The following TRPC4AP variants were observed in gnomAD, a reference collection of about 807,000 sequenced individuals.
TRPC4AP encodes transient receptor potential cation channel subfamily C member 4 associated protein, also known as short transient receptor potential channel 4-associated protein.
A neutral mutation model predicts 99.0 loss-of-function variants in TRPC4AP; 45 were observed. The ratio of observed to expected loss-of-function variants is 0.45; its 90% CI spans 0.36 to 0.58. The LOEUF is 0.58. TRPC4AP is among the 20% of genes least tolerant of loss of function. The pLI is 0.00. For missense variants in TRPC4AP, 879 were observed against 985.3 expected (o/e 0.89, Z 1.44); for synonymous variants, 408 against 385.8 (o/e 1.06, Z -0.67).
intron 8 of TRPC4AP, among the ~76,000 whole-genome samples, chr20:35,033,063 G>A (rs962462382): frequency 6.6e-6 from 1 of 151,990 alleles, no homozygotes; most frequent in Non-Finnish European, 1.5e-5. Context: ...CGGGTGTGGT[G>A]GCATGCACCT....
At chr20:35,083,073 GCAGA>G (rs1394321525) in intron 1 of TRPC4AP, among the ~76,000 whole-genome samples, 1 of 152,106 alleles carries the variant, frequency 6.6e-6, no homozygotes, top group Non-Finnish European at 1.5e-5. Flanking sequence ...AGATTCATTT[GCAGA>G]TGATATAATA....
At chr20:35,040,508 C>T (rs2083423183) in intron 7 of TRPC4AP, among the ~76,000 whole-genome samples, 1 of 152,234 alleles carries the variant, frequency 6.6e-6, no homozygotes, top group Admixed American at 6.5e-5. Context: ...CGGGGAGCTA[C>T]ACCATTAGCT....
At chr20:35,031,914 CAA>C (rs936914044) in intron 8 of TRPC4AP, among the ~76,000 whole-genome samples, 2 of 152,028 alleles carry the variant, frequency 1.3e-5, no homozygotes, top group Non-Finnish European at 2.9e-5. Flanking sequence ...TTTTTTGAGA[CAA>C]AGTCTCACTT....
At position 35,006,500 on chromosome 20, in the gene TRPC4AP, C is replaced by A; in HGVS notation, c.1762G>T (p.Glu588Ter). ...GCATCAACGTTGAACTTCATCAGCTCCCCCAGGAGGTCAAAGTAACTCTGG... is the reference window on the plus strand; with the variant it reads ...GCATCAACGTTGAACTTCATCAGCTACCCCAGGAGGTCAAAGTAACTCTGG... ...VLQSYFDLLG[E>*]LMKFNVDAFK... The change falls in exon 15 of 19, where the codon GAG becomes TAG. Residue 588 changes from glutamate to a stop codon, truncating the protein, a stop_gained. Coordinates refer to ENST00000252015, the MANE Select transcript of TRPC4AP (RefSeq NM_015638.3). LOFTEE classifies it high-confidence loss of function. 6.2e-7 allele frequency: 1 copy of A among 1,614,156 alleles called. No individual in the cohort carries two copies. Among genetic ancestry groups the A allele is most frequent in the Non-Finnish European group, 8.5e-7 (1 of 1,180,028 alleles).
chr20:35,068,963 ACACACACAC>A (rs1206594945), intron 3 of TRPC4AP, among the ~76,000 whole-genome samples: 1 of 47,116 alleles, frequency 2.1e-5, no homozygotes, highest in Non-Finnish European at 3.8e-5. Context: ...ACACACACAC[ACACACACAC>A]ACACACAAAA....
intron 9 of TRPC4AP, among the ~76,000 whole-genome samples, chr20:35,020,899 A>G (rs1328885091): frequency 6.6e-6 from 1 of 152,168 alleles, no homozygotes; most frequent in Admixed American, 6.5e-5. Flanking sequence ...CAGGCTTGCC[A>G]GCTTTCAACT....
chr20:35,017,892 C>T (rs2082791251), intron 9 of TRPC4AP, among the ~76,000 whole-genome samples: 1 of 152,246 alleles, frequency 6.6e-6, no homozygotes, highest in Non-Finnish European at 1.5e-5. Flanking sequence ...AGCCCAGAAT[C>T]TGTTAGACTG....
chr20:35,067,995 T>C (rs1042936142), intron 3 of TRPC4AP, among the ~76,000 whole-genome samples: 2 of 152,112 alleles, frequency 1.3e-5, no homozygotes, highest in African/African-American at 4.8e-5. Flanking sequence ...TTCAAATGGG[T>C]GAAATGTATG....
intron 4 of TRPC4AP, among the ~76,000 whole-genome samples, chr20:35,056,137 T>C (rs1241840184): frequency 6.6e-6 from 1 of 152,240 alleles, no homozygotes; most frequent in East Asian, 1.9e-4. Flanking sequence ...ACGCTCTGCA[T>C]CCCTTATCAC....
chr20:35,067,464 A>T (rs941683227), intron 3 of TRPC4AP, among the ~76,000 whole-genome samples: 1 of 152,186 alleles, frequency 6.6e-6, no homozygotes, highest in African/African-American at 2.4e-5. Context: ...GCAGTTCCTC[A>T]AACAATTAAA....
intron 7 of TRPC4AP, among the ~76,000 whole-genome samples, chr20:35,040,276 T>A (rs1264231752): frequency 6.6e-6 from 1 of 152,052 alleles, no homozygotes; most frequent in African/African-American, 2.4e-5. Context: ...CCAGAAGAGA[T>A]TGGTGTATGA....
chr20:35,074,653 G>A (rs969884920), intron 2 of TRPC4AP, among the ~76,000 whole-genome samples: 4 of 152,154 alleles, frequency 2.6e-5, no homozygotes, highest in African/African-American at 4.8e-5. Flanking sequence ...TATAATTTCT[G>A]TTCTTTTACA....
intron 6 of TRPC4AP, among the ~76,000 whole-genome samples, chr20:35,046,168 A>G (rs1446757617): frequency 6.6e-6 from 1 of 152,228 alleles, no homozygotes; most frequent in African/African-American, 2.4e-5. Flanking sequence ...TATTTGCTGT[A>G]AATTTTAATA....
At chr20:35,003,655 G>A in intron 17 of TRPC4AP, 39 bp from the exon 18 acceptor site, 1 of 1,588,122 alleles carries the variant, frequency 6.3e-7, no homozygotes, top group Non-Finnish European at 8.6e-7. Flanking sequence ...GGGCTGGTGG[G>A]AGCCCCAGTG....
chr20:35,003,679 C>G lies in TRPC4AP; in HGVS notation c.2050-63G>C, dbSNP rs563837001. The G allele has an allele frequency of 4.5e-6, 7 of 1,542,428 alleles. No individual in the cohort carries two copies. The African/African-American group carries it at 9.5e-5, about 21-fold the overall frequency. ...GGAGCCCCAGTGGCCCCTGGTGAAC[C>G]TGGGTAGCCATCAGGCAGGGAGGAG... is the stretch of plus-strand genomic sequence containing the variant. On this transcript the variant is annotated intron_variant, in intron 17 of 18. Coordinates refer to ENST00000252015, the MANE Select transcript of TRPC4AP (RefSeq NM_015638.3).
rs895653583 is a variant in TRPC4AP, at chr20:35,084,635, T to C, written c.169-6461A>G. ...ATATATGTTTATATGCATATATGTG[T>C]ATATGTATGTATGTTTATATGCATA... is the stretch of plus-strand genomic sequence containing the variant. On this transcript the variant is annotated intron_variant, in intron 1 of 18. Coordinates refer to ENST00000252015, the MANE Select transcript of TRPC4AP (RefSeq NM_015638.3). 1.3e-4 allele frequency among the ~76,000 whole-genome samples: 15 copies of C among 114,726 alleles called. 1 individual carries two copies. Among genetic ancestry groups the C allele is most frequent in the African/African-American group, 4.7e-4 (14 of 29,530 alleles). 75.3% of individuals were successfully genotyped at this position (114,726 alleles called of 152,430 possible). A position where few individuals can be genotyped will look rare whatever the true frequency, so the allele number is the denominator to read the frequency against.
chr20:35,012,926 G>C (rs2082670896), intron 11 of TRPC4AP, 82 bp downstream of exon 11: 1 of 1,454,782 alleles, frequency 6.9e-7, no homozygotes, highest in East Asian at 2.3e-5. Context: ...CTCTCGAGCT[G>C]AGGTCAGGGA....
At chr20:35,040,890 A>G (rs952166221) in intron 7 of TRPC4AP, among the ~76,000 whole-genome samples, 1 of 152,160 alleles carries the variant, frequency 6.6e-6, no homozygotes, top group Non-Finnish European at 1.5e-5. Context: ...GCTGCCTAAT[A>G]CAGGGAAGTA....
chr20:35,037,825 A>G (rs1189841908), intron 7 of TRPC4AP, among the ~76,000 whole-genome samples: 1 of 152,134 alleles, frequency 6.6e-6, no homozygotes, highest in Non-Finnish European at 1.5e-5. Flanking sequence ...ATTATGGTAC[A>G]ACTGCCTACT....
Sources: allele counts gnomAD v4.1 joint callset (sites outside exome capture counted in the v4.1 genomes callset), GRCh38; gene constraint gnomAD v4.1.1; transcripts MANE v1.5; gene names NCBI Gene and HGNC (gene_info 2026-07-23, HGNC 2026-07-21).